Variants in ANO4 observed in about 807,000 individuals in gnomAD.
ANO4 encodes the protein anoctamin 4.
ANO4 carries 69 observed loss-of-function variants against 141.9 expected under a neutral mutation model. That is an observed-to-expected ratio of 0.49 (90% CI 0.40 to 0.59). ANO4 has a LOEUF of 0.59. Ranked by LOEUF, ANO4 falls within the 20% of genes least tolerant of loss-of-function variation. The pLI, the probability that ANO4 is intolerant of heterozygous loss-of-function variation, is 0.00. For missense variants in ANO4, 894 were observed against 1,162.2 expected (o/e 0.77, Z 3.36); for synonymous variants, 350 against 394.3 (o/e 0.89, Z 1.33).
chr12:100,855,944 A>G (rs2038142168), intron 1 of ANO4, among the ~76,000 whole-genome samples: 5 of 152,200 alleles, frequency 3.3e-5, no homozygotes. Flanking sequence ...GGTACAGTCA[A>G]AATCTAATCA....
intron 3 of ANO4, among the ~76,000 whole-genome samples, chr12:100,928,897 C>T (rs544976754): frequency 6.6e-6 from 1 of 152,268 alleles, no homozygotes; most frequent in Non-Finnish European, 1.5e-5. Flanking sequence ...GGGTTATATA[C>T]AATACCATCA....
intron 5 of ANO4, among the ~76,000 whole-genome samples, chr12:100,949,092 T>C (rs923286264): frequency 4.6e-5 from 7 of 152,282 alleles, no homozygotes; most frequent in Admixed American, 3.3e-4. Context: ...CACAAGGAGA[T>C]GAATTCTGCC....
intron 3 of ANO4, among the ~76,000 whole-genome samples, chr12:100,776,572 G>A (rs578060719): frequency 3.5e-4 from 54 of 152,242 alleles, no homozygotes; most frequent in African/African-American, 1.1e-3. Flanking sequence ...ACCATTGTTT[G>A]AGCAAGAGTA....
chr12:101,110,030 C>G (rs1047493333), intron 22 of ANO4, among the ~76,000 whole-genome samples: 1 of 152,036 alleles, frequency 6.6e-6, no homozygotes, highest in African/African-American at 2.4e-5. Flanking sequence ...TTGGCATGTC[C>G]CCATCATTTG....
intron 14 of ANO4, among the ~76,000 whole-genome samples, chr12:101,071,293 A>G (rs1467323287): frequency 6.6e-6 from 1 of 152,052 alleles, no homozygotes; most frequent in East Asian, 1.9e-4. Context: ...ATGTATAAAT[A>G]AAGAAAACGT....
chr12:100,818,869 G>C (rs1462293077), intron 1 of ANO4, among the ~76,000 whole-genome samples: 1 of 151,866 alleles, frequency 6.6e-6, no homozygotes, highest in Non-Finnish European at 1.5e-5. Context: ...CAATACACAG[G>C]ACAGGTCCTA....
chr12:100,809,728 G>T (rs2035281503), intron 1 of ANO4, among the ~76,000 whole-genome samples: 2 of 152,174 alleles, frequency 1.3e-5, no homozygotes, highest in African/African-American at 4.8e-5. Context: ...TATTCTGTAG[G>T]CACTGGAGCA....
intron 2 of ANO4, among the ~76,000 whole-genome samples, chr12:100,910,106 A>G (rs996992978): frequency 2.0e-5 from 3 of 152,188 alleles, no homozygotes; most frequent in Non-Finnish European, 2.9e-5. Flanking sequence ...CTGTATTGTA[A>G]TGTATTATGT....
At chr12:100,961,770 A>G (rs1462589117) in intron 5 of ANO4, among the ~76,000 whole-genome samples, 1 of 152,140 alleles carries the variant, frequency 6.6e-6, no homozygotes, top group East Asian at 1.9e-4. Context: ...GCACATCTCA[A>G]TTTGAACTAG....
At chr12:100,750,227 T>C (rs2032311778) in intron 3 of ANO4, among the ~76,000 whole-genome samples, 1 of 151,980 alleles carries the variant, frequency 6.6e-6, no homozygotes, top group African/African-American at 2.4e-5. Context: ...TTCTGCCTCC[T>C]GGATTCAAGC....
At chr12:100,852,281 G>A (rs1185334071) in intron 1 of ANO4, 7 of 152,170 alleles carry the variant, frequency 4.6e-5, no homozygotes, top group African/African-American at 1.7e-4. Flanking sequence ...AGAGATGGAT[G>A]TAGCAGTTCA....
intron 5 of ANO4, among the ~76,000 whole-genome samples, chr12:100,954,925 G>T (rs1469621719): frequency 6.6e-6 from 1 of 152,156 alleles, no homozygotes; most frequent in Non-Finnish European, 1.5e-5. Context: ...CCTGCCTATG[G>T]AAATGTCCTT....
At position 101,067,006 on chromosome 12, in the gene ANO4, A is replaced by G. The variant is rs557444750; in HGVS notation, c.1313-12187A>G. 81 of 584,800 alleles carry G rather than the reference A, an allele frequency of 1.4e-4. 1 individual carries two copies. The South Asian group carries it at 1.7e-3, about 12-fold the overall frequency. The allele number at this position is 584,800 out of a possible 1,614,324, so 36.2% of individuals were successfully genotyped here. ...AGAACTTAAAGTATAACAAAAAAAA[A>G]AAAAAAAAAAAGAAAGAACAGACCA... is the stretch of plus-strand genomic sequence containing the variant. On this transcript the variant is annotated intron_variant, in intron 14 of 27. Coordinates refer to ENST00000392977, the MANE Select transcript of ANO4 (RefSeq NM_001286615.2).
At chr12:100,979,731 T>C (rs974275262) in intron 7 of ANO4, among the ~76,000 whole-genome samples, 1 of 151,890 alleles carries the variant, frequency 6.6e-6, no homozygotes, top group Non-Finnish European at 1.5e-5. Flanking sequence ...CTTTCTTTTA[T>C]TTATTTTTTT....
chr12:100,924,381 GA>G (rs2041775067), intron 3 of ANO4, among the ~76,000 whole-genome samples: 1 of 152,126 alleles, frequency 6.6e-6, no homozygotes, highest in South Asian at 2.1e-4. Flanking sequence ...GACAGGGGAA[GA>G]TGATAATAAT....
At chr12:100,960,319 A>G (rs1420583346) in intron 5 of ANO4, among the ~76,000 whole-genome samples, 4 of 152,200 alleles carry the variant, frequency 2.6e-5, no homozygotes, top group African/African-American at 2.4e-5. Context: ...CATTATACCA[A>G]TGAGGAAGTG....
intron 3 of ANO4, among the ~76,000 whole-genome samples, chr12:100,922,821 C>G (rs2041688587): frequency 6.6e-6 from 1 of 152,104 alleles, no homozygotes; most frequent in South Asian, 2.1e-4. Context: ...ATTTTCTAAG[C>G]ATTTTGAGTA....
At chr12:100,965,166 C>G (rs1449610280) in intron 5 of ANO4, among the ~76,000 whole-genome samples, 1 of 152,178 alleles carries the variant, frequency 6.6e-6, no homozygotes, top group Non-Finnish European at 1.5e-5. Context: ...TTGGGACAAA[C>G]TGGACAGCTC....
At chr12:100,985,373 C>T (rs1345322546) in intron 7 of ANO4, among the ~76,000 whole-genome samples, 1 of 152,130 alleles carries the variant, frequency 6.6e-6, no homozygotes, top group Non-Finnish European at 1.5e-5. Flanking sequence ...CCAGCATTTC[C>T]TGTATACCAG....
Sources: allele counts gnomAD v4.1 joint callset (sites outside exome capture counted in the v4.1 genomes callset), GRCh38; gene constraint gnomAD v4.1.1; transcripts MANE v1.5; gene names NCBI Gene and HGNC (gene_info 2026-07-23, HGNC 2026-07-21).